The following GPR107 variants were observed in gnomAD, a reference collection of about 807,000 sequenced individuals.
GPR107 encodes protein GPR107.
Under a neutral mutation model 75.5 loss-of-function variants are expected in GPR107, and 31 were observed. The ratio of observed to expected loss-of-function variants is 0.41; its 90% CI spans 0.31 to 0.55. The LOEUF (loss-of-function observed/expected upper bound fraction) is 0.55, where lower values mean the gene tolerates loss of function less well. GPR107 is among the 20% of genes least tolerant of loss of function. The pLI, the probability that GPR107 is intolerant of heterozygous loss-of-function variation, is 0.26. For missense variants in GPR107, 572 were observed against 665.7 expected (o/e 0.86, Z 1.55); for synonymous variants, 267 against 251.3 (o/e 1.06, Z -0.59).
intron 14 of GPR107, among the ~76,000 whole-genome samples, chr9:130,114,051 A>ATTTTTTTTT (rs35152076): frequency 9.4e-4 from 76 of 81,168 alleles, no homozygotes; most frequent in South Asian, 1.3e-3. Flanking sequence ...TTTTTTTTTC[A>ATTTTTTTTT]TTTTTTTTTT....
chr9:130,099,517 C>A lies in GPR107; in HGVS notation c.924C>A (p.Ser308=). Residue 308 remains serine (S), a synonymous_variant, in exon 10 of 18, where the codon TCC becomes TCA. Transcript: ENST00000347136. ...MAALPFTKSL[S]LVFHAIDYHY... is the part of the protein sequence containing the mutation. ...CCCTTCCTTTCACCAAGTCTCTTTC[C>A]TTGGTGTTCCATGCAGTATGTATTA... is the stretch of plus-strand genomic sequence containing the variant. 6.3e-7 allele frequency: 1 copy of A among 1,592,054 alleles called. No homozygotes were observed. Among genetic ancestry groups the A allele is most frequent in the Non-Finnish European group, 8.6e-7 (1 of 1,160,160 alleles).
chr9:130,083,726 A>C (rs2132576087), intron 6 of GPR107, 124 bp downstream of exon 6: 1 of 501,148 alleles, frequency 2.0e-6, no homozygotes, highest in East Asian at 3.4e-5. Context: ...ACATACATAT[A>C]CAGTCGTCCC....
rs1259982130 is a variant in GPR107, at chr9:130,137,134, T to TGA, written c.*2015_*2016dup. The TGA allele has an allele frequency of 6.6e-6, 1 of 152,262 alleles. No homozygotes were observed. The highest frequency in any genetic ancestry group is 1.5e-5 in the Non-Finnish European group (1 of 68,052). The allele number at this position is 152,262 out of a possible 1,614,324, so 9.4% of individuals were successfully genotyped here. ...TTCTCCCGCAAGCAGATGTTGTGGA[T>TGA]GAGGCGATAGACTCCTTGGCAAGAA... On this transcript the variant is annotated 3_prime_UTR_variant, in exon 18 of 18. Coordinates refer to ENST00000347136, the MANE Select transcript of GPR107 (RefSeq NM_020960.5).
intron 1 of GPR107, among the ~76,000 whole-genome samples, chr9:130,069,165 A>G (rs1245947944): frequency 6.6e-6 from 1 of 152,222 alleles, no homozygotes; most frequent in Non-Finnish European, 1.5e-5. Context: ...TGCAAGTTTT[A>G]ACTCTGAGCC....
rs2132666887 is a variant in GPR107 at position 130,137,063 on chromosome 9, A to G, written c.*1942A>G. On this transcript the variant is annotated 3_prime_UTR_variant, in exon 18 of 18. Transcript: ENST00000347136. ...CAGAAATGTGTCTCAATCTGTGACTACCAAAGCCCTCCTCAGTCCTTCCCT... is the reference window on the plus strand; with the variant it reads ...CAGAAATGTGTCTCAATCTGTGACTGCCAAAGCCCTCCTCAGTCCTTCCCT... The G allele has an allele frequency of 6.6e-6, 1 of 152,320 alleles. No individual in the cohort carries two copies. The highest frequency in any genetic ancestry group is 2.1e-4 in the South Asian group (1 of 4,824). The allele number at this position is 152,320 out of a possible 1,614,324, so 9.4% of individuals were successfully genotyped here.
At chr9:130,055,949 A>C (rs1239515456) in intron 1 of GPR107, among the ~76,000 whole-genome samples, 1 of 151,822 alleles carries the variant, frequency 6.6e-6, no homozygotes, top group Non-Finnish European at 1.5e-5. Context: ...TCTGTCTCAA[A>C]TAAATAAATA....
intron 4 of GPR107, among the ~76,000 whole-genome samples, chr9:130,077,750 C>T (rs534353045): frequency 1.2e-3 from 176 of 152,306 alleles, no homozygotes; most frequent in Admixed American, 4.6e-3. Flanking sequence ...ACTGGGTCCA[C>T]GTAATGGCTT....
chr9:130,107,138 C>T (rs946543652), intron 13 of GPR107, among the ~76,000 whole-genome samples: 1 of 152,144 alleles, frequency 6.6e-6, no homozygotes, highest in Non-Finnish European at 1.5e-5. Flanking sequence ...TTATTCTCTC[C>T]TGGTGGCAGG....
At chr9:130,122,941 C>T (rs1831581735) in intron 14 of GPR107, among the ~76,000 whole-genome samples, 1 of 152,158 alleles carries the variant, frequency 6.6e-6, no homozygotes, top group South Asian at 2.1e-4. Flanking sequence ...CTGCAGTGAG[C>T]TGTGATCGTG....
rs1554900354 is a variant in GPR107 at position 130,138,666 on chromosome 9, G to C, written c.*3545G>C. 1 of 151,934 alleles carries C rather than the reference G, an allele frequency of 6.6e-6. No homozygotes were observed. Among genetic ancestry groups the C allele is most frequent in the African/African-American group, 2.4e-5 (1 of 41,316 alleles). 9.4% of individuals were successfully genotyped at this position (151,934 alleles called of 1,614,324 possible). A position where few individuals can be genotyped will look rare whatever the true frequency, so the allele number is the denominator to read the frequency against. ...TGCATTGCAGCGTTTTCTCCCAGCA[G>C]CTGTGTGAAAGATGCATTTTCTAAG... On this transcript the variant is annotated 3_prime_UTR_variant, in exon 18 of 18. Coordinates refer to ENST00000347136, the MANE Select transcript of GPR107 (RefSeq NM_020960.5).
At chr9:130,133,505 G>A (rs1344313850) in intron 17 of GPR107, among the ~76,000 whole-genome samples, 1 of 152,150 alleles carries the variant, frequency 6.6e-6, no homozygotes, top group Non-Finnish European at 1.5e-5. Flanking sequence ...ACGTGGCTCG[G>A]GGCAGGGGCT....
chr9:130,115,569 A>G (rs1312611085), intron 14 of GPR107, among the ~76,000 whole-genome samples: 25 of 152,082 alleles, frequency 1.6e-4, no homozygotes, highest in Non-Finnish European at 5.9e-5. Flanking sequence ...GATCGAGACC[A>G]TCCTGGCTAA....
In GPR107 at chr9:130,110,339, C is replaced by T. The variant is rs73672547; in HGVS notation, c.1306+2800C>T. ...GAACGCTTTTGTCATGGCCTGGGCA[C>T]ACAAGGCAGTTTCTCATTTTTTTCC... On this transcript the variant is annotated intron_variant, in intron 14 of 17. Coordinates refer to ENST00000347136, the MANE Select transcript of GPR107 (RefSeq NM_020960.5). 2.2e-3 allele frequency: 3,139 copies of T among 1,402,100 alleles called. 61 individuals carry two copies. In the African/African-American group the frequency reaches 0.039, roughly 17 times the overall value. The allele number at this position is 1,402,100 out of a possible 1,614,324, so 86.9% of individuals were successfully genotyped here. A position where few individuals can be genotyped will look rare whatever the true frequency, so the allele number is the denominator to read the frequency against.
In GPR107 at chr9:130,103,569, ATAG is replaced by A; in HGVS notation, c.1132-849_1132-847del. Among the ~76,000 whole-genome samples, 2 of 152,216 alleles carry A rather than the reference ATAG, an allele frequency of 1.3e-5. No individual in the cohort carries two copies. Among genetic ancestry groups the A allele is most frequent in the Non-Finnish European group, 2.9e-5 (2 of 68,042 alleles). On this transcript the variant is annotated intron_variant, in intron 12 of 17. Transcript: ENST00000347136. This position sits in a 1 kb window ranked among gnomAD's most constrained non-coding sequence, Gnocchi z 4.3. ...ATAACGGGCCTGAGTACAGAGCTTA[ATAG>A]TGGGCCTGAGTATATGAGGCTGTAG...
intron 13 of GPR107, among the ~76,000 whole-genome samples, chr9:130,106,502 CAGG>C (rs1490166459): frequency 6.6e-6 from 1 of 151,708 alleles, no homozygotes; most frequent in Non-Finnish European, 1.5e-5. Context: ...GAGGCTGAGG[CAGG>C]AGAATTGCTT....
chr9:130,077,919 C>A (rs1296281672), intron 4 of GPR107, among the ~76,000 whole-genome samples: 3 of 152,016 alleles, frequency 2.0e-5, no homozygotes, highest in African/African-American at 7.2e-5. Flanking sequence ...TAATCCCAGC[C>A]CTTTGGGAGG....
At chr9:130,087,733 G>T (rs1358500112) in intron 7 of GPR107, among the ~76,000 whole-genome samples, 1 of 147,724 alleles carries the variant, frequency 6.8e-6, no homozygotes, top group Admixed American at 6.9e-5. Flanking sequence ...AGCCTGGGGG[G>T]TCAAGGTTCA....
intron 11 of GPR107, 46 bp downstream of exon 11, chr9:130,100,748 A>C: frequency 7.0e-7 from 1 of 1,418,558 alleles, no homozygotes; most frequent in South Asian, 1.1e-5. Flanking sequence ...ATGACATACA[A>C]GACAAGGGGG....
chr9:130,093,721 C>G (rs1830796932), intron 9 of GPR107, among the ~76,000 whole-genome samples: 1 of 151,918 alleles, frequency 6.6e-6, no homozygotes, highest in Admixed American at 6.6e-5. Flanking sequence ...TGGCTCACAC[C>G]TGTAATCCCA....
Sources: gnomAD v4.1 joint callset for allele counts (sites outside exome capture counted in the v4.1 genomes callset) on GRCh38, gnomAD v4.1.1 for gene constraint, Gnocchi (gnomAD v3.1) non-coding constraint, MANE v1.5 for transcripts, NCBI Gene and HGNC (gene_info 2026-07-23, HGNC 2026-07-21) for gene names.